SLC12A8: variants seen among roughly 807,000 people sequenced by gnomAD.
SLC12A8 encodes the protein cation-chloride cotransporter 9.
A neutral mutation model predicts 75.6 loss-of-function variants in SLC12A8; 69 were observed. The observed-to-expected ratio is 0.91, with a 90% confidence interval of 0.75 to 1.11. SLC12A8 has a LOEUF of 1.11. SLC12A8 is among the 50% of genes most tolerant of loss of function. The probability of loss-of-function intolerance (pLI) is 0.00; values close to 1 mark genes in which losing one functional copy is unlikely to be tolerated. For missense variants in SLC12A8, 877 were observed against 896.7 expected (o/e 0.98, Z 0.28); for synonymous variants, 365 against 372.8 (o/e 0.98, Z 0.24).
At chr3:125,115,832 C>G (rs1338302207) in intron 8 of SLC12A8, among the ~76,000 whole-genome samples, 2 of 152,098 alleles carry the variant, frequency 1.3e-5, no homozygotes, top group East Asian at 3.9e-4. Flanking sequence ...GGCACACATA[C>G]AGAAGAGGCC....
At chr3:125,118,936 G>T in intron 7 of SLC12A8, 80 bp from the exon 8 acceptor site, 1 of 927,816 alleles carries the variant, frequency 1.1e-6, no homozygotes, top group Non-Finnish European at 1.7e-6. Flanking sequence ...TCAACCTTCT[G>T]TTTCCAAAGG....
chr3:125,110,129 C>T (rs753635550), intron 9 of SLC12A8, 60 bp downstream of exon 9: 18 of 1,552,574 alleles, frequency 1.2e-5, no homozygotes, highest in Non-Finnish European at 1.6e-5. Flanking sequence ...GATGGGCCAA[C>T]AGTGAGGTTA....
At chr3:125,117,506 G>A (rs1000143584) in intron 8 of SLC12A8, among the ~76,000 whole-genome samples, 1 of 152,040 alleles carries the variant, frequency 6.6e-6, no homozygotes, top group Non-Finnish European at 1.5e-5. Context: ...TGAGGTGGGA[G>A]AATCACCTGA....
rs565606261 is a variant in SLC12A8, at chr3:125,177,791, C to T, written c.574G>A (p.Val192Met). The change falls in exon 5 of 14, where the codon GTG (valine) becomes ATG (methionine). Residue 192 changes from valine to methionine, a missense_variant. By Grantham distance (21) the Val-to-Met change is conservative. Transcript: ENST00000469902. ...CCCACCACAAAGTCCAGTGTGGACACGGCCAGCAGGAACAGCAACAGCAGC... is the reference window on the plus strand; with the variant it reads ...CCCACCACAAAGTCCAGTGTGGACATGGCCAGCAGGAACAGCAACAGCAGC... ...LQLLLLFLLA[V>M]STLDFVVGSF... The T allele has an allele frequency of 2.4e-5, 39 of 1,614,162 alleles. No individual in the cohort carries two copies. The highest frequency in any genetic ancestry group is 1.6e-4 in the Middle Eastern group (1 of 6,062).
chr3:125,099,230 G>A (rs1341456679), intron 10 of SLC12A8, among the ~76,000 whole-genome samples: 1 of 152,138 alleles, frequency 6.6e-6, no homozygotes, highest in Non-Finnish European at 1.5e-5. Context: ...AAACACATAA[G>A]AATAAAAAGC....
chr3:125,188,417 G>A (rs888670148), intron 3 of SLC12A8, among the ~76,000 whole-genome samples: 1 of 152,178 alleles, frequency 6.6e-6, no homozygotes, highest in Non-Finnish European at 1.5e-5. Flanking sequence ...CTAATACGGA[G>A]CAGGATCATG....
rs776027968 is a variant in SLC12A8, at chr3:125,083,079, C to G, written c.*811G>C. On this transcript the variant is annotated 3_prime_UTR_variant, in exon 14 of 14. Coordinates refer to ENST00000469902, the MANE Select transcript of SLC12A8 (RefSeq NM_024628.6). ...ATGTACGGATGAGAATAGTGGTTAC[C>G]TCTAGGCCAGGGTAGACAGGAACTG... 1.3e-5 allele frequency: 2 copies of G among 152,174 alleles called. No individual in the cohort carries two copies. Among genetic ancestry groups the G allele is most frequent in the Non-Finnish European group, 2.9e-5 (2 of 68,042 alleles). The allele number at this position is 152,174 out of a possible 1,614,324, so 9.4% of individuals were successfully genotyped here. A position where few individuals can be genotyped will look rare whatever the true frequency, so the allele number is the denominator to read the frequency against.
chr3:125,142,765 C>T (rs920361592), intron 5 of SLC12A8, among the ~76,000 whole-genome samples: 1 of 152,190 alleles, frequency 6.6e-6, no homozygotes, highest in Non-Finnish European at 1.5e-5. Context: ...TAGCACAGTA[C>T]GAGATGATTT....
chr3:125,147,832 C>G (rs1212647989), intron 5 of SLC12A8, among the ~76,000 whole-genome samples: 1 of 152,084 alleles, frequency 6.6e-6, no homozygotes, highest in Non-Finnish European at 1.5e-5. Flanking sequence ...TAACAAGATC[C>G]CCAGATCCTG....
intron 4 of SLC12A8, among the ~76,000 whole-genome samples, chr3:125,178,249 G>A (rs991235417): frequency 9.2e-5 from 14 of 152,136 alleles, no homozygotes; most frequent in Admixed American, 9.2e-4. Context: ...AAAGACTATG[G>A]GAGGAAGAAG....
chr3:125,085,033 C>T (rs1938424383), intron 13 of SLC12A8, among the ~76,000 whole-genome samples: 1 of 152,248 alleles, frequency 6.6e-6, no homozygotes, highest in Non-Finnish European at 1.5e-5. Context: ...TTTCAACGGA[C>T]TCTGGCCAAA....
chr3:125,193,413 A>G (rs768293897), intron 2 of SLC12A8, among the ~76,000 whole-genome samples: 7 of 152,174 alleles, frequency 4.6e-5, no homozygotes, highest in Non-Finnish European at 8.8e-5. Flanking sequence ...CTCTTCTCAC[A>G]GATCCCTTGT....
intron 5 of SLC12A8, among the ~76,000 whole-genome samples, chr3:125,138,915 CAA>C (rs1472518195): frequency 1.3e-5 from 2 of 151,496 alleles, no homozygotes; most frequent in African/African-American, 4.9e-5. Flanking sequence ...ACTAGCTACT[CAA>C]GAGGCTGGGG....
chr3:125,120,674 C>T lies in SLC12A8; in HGVS notation c.749G>A (p.Gly250Asp). 6.2e-7 allele frequency: 1 copy of T among 1,613,530 alleles called. No homozygotes were observed. The highest frequency in any genetic ancestry group is 8.5e-7 in the Non-Finnish European group (1 of 1,179,814). Residue 250 changes from glycine to aspartate, a missense_variant, in exon 7 of 14, where the codon GGC becomes GAC. Transcript: ENST00000469902. ...FFPAATGVMA[G>D]FNMGGDLREP... ...CCTGAGGTCGCCCCCCATGTTGAAG[C>T]CGGCCATGACTCCTGAAAGACACCC...
intron 4 of SLC12A8, among the ~76,000 whole-genome samples, chr3:125,178,475 G>C (rs926761317): frequency 2.2e-4 from 33 of 151,918 alleles, no homozygotes; most frequent in African/African-American, 7.2e-4. Context: ...CTTTTTCAAC[G>C]TCATATGTGG....
intron 5 of SLC12A8, among the ~76,000 whole-genome samples, chr3:125,169,752 A>C (rs1304882049): frequency 6.6e-6 from 1 of 152,196 alleles, no homozygotes; most frequent in Non-Finnish European, 1.5e-5. Context: ...ACTTCCAATG[A>C]AACAACGCAG....
chr3:125,124,616 G>C (rs537946407), intron 6 of SLC12A8, among the ~76,000 whole-genome samples: 1 of 152,208 alleles, frequency 6.6e-6, no homozygotes, highest in Admixed American at 6.5e-5. Flanking sequence ...ATGAGCCACC[G>C]TGCCTGGCCT....
At chr3:125,132,602 A>G (rs1196176623) in intron 6 of SLC12A8, among the ~76,000 whole-genome samples, 2 of 152,156 alleles carry the variant, frequency 1.3e-5, no homozygotes, top group East Asian at 3.8e-4. Context: ...CAGGAGGAGG[A>G]CAAGTTGAGG....
At chr3:125,100,206 G>T (rs1413824535) in intron 10 of SLC12A8, among the ~76,000 whole-genome samples, 1 of 151,934 alleles carries the variant, frequency 6.6e-6, no homozygotes, top group African/African-American at 2.4e-5. Context: ...AGGGACAGGA[G>T]AAAAAGAAAG....
Sources: gnomAD v4.1 joint callset for allele counts (sites outside exome capture counted in the v4.1 genomes callset) on GRCh38, gnomAD v4.1.1 for gene constraint, MANE v1.5 for transcripts, NCBI Gene and HGNC (gene_info 2026-07-23, HGNC 2026-07-21) for gene names.